Variants in CSMD1 observed in about 807,000 individuals in gnomAD.
CSMD1 encodes CUB and sushi domain-containing protein 1.
CSMD1 carries 213 observed loss-of-function variants against 417.5 expected under a neutral mutation model. The ratio of observed to expected loss-of-function variants is 0.51; its 90% CI spans 0.46 to 0.57. The LOEUF (loss-of-function observed/expected upper bound fraction) is 0.57. Ranked by LOEUF, CSMD1 falls within the 20% of genes least tolerant of loss-of-function variation. The pLI, the probability that CSMD1 is intolerant of heterozygous loss-of-function variation, is 0.00. For missense variants in CSMD1, 6,923 were observed against 4,529.7 expected (o/e 1.53, Z -15.17); for synonymous variants, 2,862 against 1,736.8 (o/e 1.65, Z -16.11).
chr8:3,971,435 A>G (rs569813174), intron 5 of CSMD1, among the ~76,000 whole-genome samples: 10 of 152,294 alleles, frequency 6.6e-5, no homozygotes, highest in African/African-American at 2.2e-4. Flanking sequence ...GGCCCTCTCT[A>G]TAAGCTTTGG....
At chr8:4,006,272 T>C (rs555747379) in intron 4 of CSMD1, among the ~76,000 whole-genome samples, 1 of 152,308 alleles carries the variant, frequency 6.6e-6, no homozygotes, top group Non-Finnish European at 1.5e-5. Flanking sequence ...GGATCATGAC[T>C]CTGGAATAAA....
intron 12 of CSMD1, among the ~76,000 whole-genome samples, chr8:3,452,152 T>A (rs548225784): frequency 1.3e-5 from 2 of 152,236 alleles, no homozygotes; most frequent in Non-Finnish European, 2.9e-5. Context: ...CTTGTGATTT[T>A]TGCACACTGA....
At chr8:4,059,396 A>G (rs1290096254) in intron 3 of CSMD1, among the ~76,000 whole-genome samples, 2 of 152,188 alleles carry the variant, frequency 1.3e-5, no homozygotes, top group Non-Finnish European at 2.9e-5. Context: ...GAAAAGCAAG[A>G]GCAAACACAT....
At chr8:2,971,382 T>G (rs1016150509) in intron 57 of CSMD1, among the ~76,000 whole-genome samples, 10 of 152,164 alleles carry the variant, frequency 6.6e-5, no homozygotes, top group Non-Finnish European at 1.0e-4. Flanking sequence ...TCAGACGGTG[T>G]CTTTTCTGAA....
intron 23 of CSMD1, among the ~76,000 whole-genome samples, chr8:3,310,965 T>A (rs946008417): frequency 1.3e-5 from 2 of 152,180 alleles, no homozygotes; most frequent in African/African-American, 4.8e-5. Flanking sequence ...CTGCTGGGGA[T>A]GATGAAAGCC....
chr8:3,860,183 T>C (rs945127726), intron 5 of CSMD1, among the ~76,000 whole-genome samples: 2 of 152,166 alleles, frequency 1.3e-5, no homozygotes, highest in Non-Finnish European at 2.9e-5. Context: ...AGTAGAAAGT[T>C]TGAGTGATTC....
At chr8:4,843,311 C>G (rs1283800738) in intron 1 of CSMD1, among the ~76,000 whole-genome samples, 1 of 152,094 alleles carries the variant, frequency 6.6e-6, no homozygotes, top group Non-Finnish European at 1.5e-5. Flanking sequence ...TTTCTACCAC[C>G]AGAGATTCAC....
intron 7 of CSMD1, among the ~76,000 whole-genome samples, chr8:3,636,663 C>T (rs926674831): frequency 6.6e-6 from 1 of 152,214 alleles, no homozygotes; most frequent in Non-Finnish European, 1.5e-5. Context: ...ATGCTCTTCT[C>T]CCTAGTCTTG....
intron 3 of CSMD1, among the ~76,000 whole-genome samples, chr8:4,188,253 T>A (rs976391299): frequency 4.6e-5 from 7 of 152,136 alleles, no homozygotes; most frequent in Non-Finnish European, 7.3e-5. Flanking sequence ...AACAGCGCAC[T>A]TTTGGAGGCC....
chr8:3,520,576 C>T (rs1336510358), intron 10 of CSMD1, among the ~76,000 whole-genome samples: 1 of 152,110 alleles, frequency 6.6e-6, no homozygotes, highest in African/African-American at 2.4e-5. Flanking sequence ...TACATTTAAC[C>T]TTTAAAACTC....
chr8:3,351,332 C>T (rs73505659), intron 21 of CSMD1, among the ~76,000 whole-genome samples: 4,094 of 151,964 alleles, frequency 0.027, 168 homozygotes, highest in African/African-American at 0.084. Flanking sequence ...CAAACTTGGC[C>T]AGGCGTGGTG....
At chr8:4,354,431 G>C (rs1311934591) in intron 3 of CSMD1, among the ~76,000 whole-genome samples, 2 of 152,148 alleles carry the variant, frequency 1.3e-5, no homozygotes, top group Admixed American at 1.3e-4. Flanking sequence ...AGCATGCTAG[G>C]AGAGAACACC....
At chr8:3,273,724 G>T (rs75795026) in intron 26 of CSMD1, among the ~76,000 whole-genome samples, 2 of 151,802 alleles carry the variant, frequency 1.3e-5, no homozygotes, top group Admixed American at 6.6e-5. Flanking sequence ...TTGCATAGAG[G>T]TGTTTGTAGT....
intron 10 of CSMD1, among the ~76,000 whole-genome samples, chr8:3,552,196 G>A (rs1798945849): frequency 6.6e-6 from 1 of 151,992 alleles, no homozygotes; most frequent in African/African-American, 2.4e-5. Context: ...TACTGTCTGT[G>A]GAAAAGACAA....
At chr8:3,998,649 T>G (rs771111011) in intron 4 of CSMD1, among the ~76,000 whole-genome samples, 1 of 152,070 alleles carries the variant, frequency 6.6e-6, no homozygotes, top group Non-Finnish European at 1.5e-5. Flanking sequence ...AGGTTCTGAG[T>G]AGAAAACAGT....
intron 5 of CSMD1, among the ~76,000 whole-genome samples, chr8:3,919,314 G>T (rs969130050): frequency 6.6e-6 from 1 of 150,716 alleles, no homozygotes; most frequent in Non-Finnish European, 1.5e-5. Context: ...CATCAATTTT[G>T]TGTGGTCTAA....
intron 3 of CSMD1, among the ~76,000 whole-genome samples, chr8:4,320,518 C>T (rs1165643741): frequency 1.3e-5 from 2 of 152,092 alleles, no homozygotes; most frequent in African/African-American, 4.8e-5. Flanking sequence ...AGACCCCCAC[C>T]CCCCAACAGG....
At chr8:3,664,769 A>C (rs774395817) in intron 7 of CSMD1, among the ~76,000 whole-genome samples, 1 of 152,358 alleles carries the variant, frequency 6.6e-6, no homozygotes, top group Non-Finnish European at 1.5e-5. Flanking sequence ...AATAAAGAGT[A>C]CATCCTGACA....
chr8:3,709,680 G>GTTTTTTTTTGTTTTTTTTTTTTTTTTT (rs1801388229), intron 6 of CSMD1, among the ~76,000 whole-genome samples: 1 of 33,694 alleles, frequency 3.0e-5, no homozygotes, highest in Non-Finnish European at 5.7e-5. Flanking sequence ...GCAGCAGCAT[G>GTTTTTTTTTGTTTTTTTTTTTTTTTTT]TTTTTTTTTT....
Sources: allele counts gnomAD v4.1 joint callset (sites outside exome capture counted in the v4.1 genomes callset), GRCh38; gene constraint gnomAD v4.1.1; transcripts MANE v1.5; gene names NCBI Gene and HGNC (gene_info 2026-07-23, HGNC 2026-07-21).